Variants in NAV2 observed in about 807,000 individuals in gnomAD.
NAV2 encodes the protein helicase, APC down-regulated 1.
A neutral mutation model predicts 223.2 loss-of-function variants in NAV2; 54 were observed. That is an observed-to-expected ratio of 0.24 (90% CI 0.19 to 0.30). The LOEUF is 0.30. Ranked by LOEUF, NAV2 falls within the 10% of genes least tolerant of loss-of-function variation. The probability of loss-of-function intolerance (pLI) is 1.00; values close to 1 mark genes in which losing one functional copy is unlikely to be tolerated. For missense variants in NAV2, 2,806 were observed against 3,147.5 expected, an observed-to-expected ratio of 0.89 and a Z score of 2.60; for synonymous variants, 1,279 against 1,239.3, an observed-to-expected ratio of 1.03 and a Z score of -0.67.
chr11:19,390,247 C>A (rs1849195531), intron 1 of NAV2, among the ~76,000 whole-genome samples: 1 of 152,018 alleles, frequency 6.6e-6, no homozygotes, highest in African/African-American at 2.4e-5. Flanking sequence ...GTTTTCTATA[C>A]CCTCTCTGTG....
At chr11:19,987,165 G>A (rs2050866864) in intron 11 of NAV2, among the ~76,000 whole-genome samples, 1 of 152,202 alleles carries the variant, frequency 6.6e-6, no homozygotes, top group South Asian at 2.1e-4. Flanking sequence ...ATCACAGGTG[G>A]TATGTAGTTA....
intron 6 of NAV2, among the ~76,000 whole-genome samples, chr11:19,894,750 G>C (rs1385028771): frequency 6.6e-6 from 1 of 152,178 alleles, no homozygotes; most frequent in Non-Finnish European, 1.5e-5. Flanking sequence ...TTTATTTAGA[G>C]ATGGAGTTTT....
At chr11:19,377,719 C>A (rs1232990009) in intron 1 of NAV2, among the ~76,000 whole-genome samples, 1 of 152,102 alleles carries the variant, frequency 6.6e-6, no homozygotes, top group Non-Finnish European at 1.5e-5. Flanking sequence ...ATTTTACAGA[C>A]AAGACTCTCA....
At chr11:19,646,240 G>T (rs1565133904) in intron 1 of NAV2, among the ~76,000 whole-genome samples, 1 of 152,230 alleles carries the variant, frequency 6.6e-6, no homozygotes, top group Non-Finnish European at 1.5e-5. Flanking sequence ...CAGCATCTCT[G>T]ATTATGACTT....
intron 1 of NAV2, among the ~76,000 whole-genome samples, chr11:19,607,868 C>T (rs888831137): frequency 6.6e-6 from 1 of 152,236 alleles, no homozygotes; most frequent in African/African-American, 2.4e-5. Context: ...TAACTGACCA[C>T]AGAACCCTAG....
rs1341457261 is a variant in NAV2, at chr11:20,106,171, ATATATGTGTGTG to A, written c.6841+450_6841+461del. 1.4e-3 allele frequency among the ~76,000 whole-genome samples: 13 copies of A among 9,288 alleles called. No individual in the cohort carries two copies. In the East Asian group the frequency reaches 0.06, roughly 43 times the overall value. 6.1% of individuals were successfully genotyped at this position (9,288 alleles called of 152,430 possible). A position where few individuals can be genotyped will look rare whatever the true frequency, so the allele number is the denominator to read the frequency against. On this transcript the variant is annotated intron_variant, in intron 35 of 37. Transcript: ENST00000349880. Reference sequence around the variant, plus strand: ...TGTGTGTGTGTATATATATATATATATATATGTGTGTGTATATATATATATATATATATATAT... The same window carrying A: ...TGTGTGTGTGTATATATATATATATATATATATATATATATATATATATAT...
chr11:19,433,559 A>G (rs986634107), intron 1 of NAV2, among the ~76,000 whole-genome samples: 1 of 152,264 alleles, frequency 6.6e-6, no homozygotes, highest in African/African-American at 2.4e-5. Flanking sequence ...ATCTATTTTC[A>G]GAGCAGCAAA....
rs542299797 is a variant in NAV2, at chr11:19,611,645, C to T, written c.76-220839C>T. On this transcript the variant is annotated intron_variant, in intron 1 of 37. Coordinates refer to the NAV2 transcript ENST00000360655. ...AAAGCTCCAAAATGATCTTTTCTGACTCCAGGTCTCACATCCAGGTCACTC... is the reference window on the plus strand; with the variant it reads ...AAAGCTCCAAAATGATCTTTTCTGATTCCAGGTCTCACATCCAGGTCACTC... 4.7e-4 allele frequency among the ~76,000 whole-genome samples: 72 copies of T among 152,360 alleles called. 1 individual carries two copies. The highest frequency in any genetic ancestry group is 6.8e-3 in the Middle Eastern group (2 of 294).
chr11:20,067,163 T>C (rs1178691564), intron 20 of NAV2, among the ~76,000 whole-genome samples: 4 of 152,002 alleles, frequency 2.6e-5, no homozygotes, highest in Non-Finnish European at 2.9e-5. Context: ...GTAATTGGGG[T>C]CCTTGAAATG....
chr11:19,404,976 G>A (rs1213580878), intron 1 of NAV2, among the ~76,000 whole-genome samples: 1 of 152,146 alleles, frequency 6.6e-6, no homozygotes, highest in East Asian at 1.9e-4. Flanking sequence ...TCTGTCTGGA[G>A]TTCCAGTTAT....
chr11:19,739,317 A>T (rs1305598616), intron 1 of NAV2, among the ~76,000 whole-genome samples: 1 of 152,240 alleles, frequency 6.6e-6, no homozygotes, highest in Non-Finnish European at 1.5e-5. Context: ...TCATATTCTC[A>T]GTTAATCATC....
intron 1 of NAV2, among the ~76,000 whole-genome samples, chr11:19,758,815 T>G (rs2054472118): frequency 6.6e-6 from 1 of 152,156 alleles, no homozygotes; most frequent in Non-Finnish European, 1.5e-5. Flanking sequence ...GCCTTGTGAC[T>G]AGACCCAGCT....
At chr11:20,052,200 T>A (rs1404250943) in intron 17 of NAV2, among the ~76,000 whole-genome samples, 1 of 152,268 alleles carries the variant, frequency 6.6e-6, no homozygotes, top group Non-Finnish European at 1.5e-5. Flanking sequence ...GAATGAAATG[T>A]TTCATTGCTG....
rs185002182 is a variant in NAV2 at position 19,715,335 on chromosome 11, G to A, written c.267+1373G>A. On this transcript the variant is annotated intron_variant, in intron 1 of 37. Transcript: ENST00000349880. ...TGCTCCGGGGGCCTGCCTCTGTGAGGGTTTTGTGCTCTGCTCTTCTTCTGT... is the reference window on the plus strand; with the variant it reads ...TGCTCCGGGGGCCTGCCTCTGTGAGAGTTTTGTGCTCTGCTCTTCTTCTGT... Among the ~76,000 whole-genome samples the A allele has an allele frequency of 4.9e-3, 741 of 152,262 alleles. 13 individuals are homozygous for A. The highest frequency in any genetic ancestry group is 0.046 in the Admixed American group (699 of 15,298).
chr11:19,982,360 C>T (rs565423692), intron 10 of NAV2, among the ~76,000 whole-genome samples: 7 of 152,136 alleles, frequency 4.6e-5, no homozygotes, highest in Admixed American at 2.6e-4. Flanking sequence ...CTCCACCTCC[C>T]GGGTTCAAGT....
intron 1 of NAV2, among the ~76,000 whole-genome samples, chr11:19,448,835 A>C (rs1014110688): frequency 6.6e-6 from 1 of 152,016 alleles, no homozygotes; most frequent in African/African-American, 2.4e-5. Context: ...ATAAATAAAG[A>C]CTCTTTGGCA....
At chr11:19,458,557 T>C (rs1590240612) in intron 1 of NAV2, among the ~76,000 whole-genome samples, 2 of 152,338 alleles carry the variant, frequency 1.3e-5, no homozygotes, top group African/African-American at 4.8e-5. Flanking sequence ...CAGGCACTTG[T>C]CTAAGTGCTT....
chr11:19,467,020 G>GAC (rs1564960121), intron 1 of NAV2, among the ~76,000 whole-genome samples: 1 of 92,542 alleles, frequency 1.1e-5, no homozygotes, highest in African/African-American at 4.1e-5. Flanking sequence ...CACACACACA[G>GAC]AGAGAGAGAG....
chr11:19,747,023 C>A (rs1294336769), intron 1 of NAV2, among the ~76,000 whole-genome samples: 2 of 37,148 alleles, frequency 5.4e-5, no homozygotes, highest in Non-Finnish European at 1.8e-4. Flanking sequence ...GGTATATCTC[C>A]TAATATCTAT....
Sources: allele counts gnomAD v4.1 joint callset (sites outside exome capture counted in the v4.1 genomes callset), GRCh38; gene constraint gnomAD v4.1.1; transcripts MANE v1.5; gene names NCBI Gene and HGNC (gene_info 2026-07-23, HGNC 2026-07-21).